Variants in PHC2 observed in about 807,000 individuals in gnomAD.
The protein encoded by PHC2 is polyhomeotic-like protein 2.
PHC2 carries 29 observed loss-of-function variants against 87.4 expected under a neutral mutation model. The observed-to-expected ratio is 0.33, with a 90% confidence interval of 0.25 to 0.45. PHC2 has a LOEUF of 0.45. PHC2 is among the 20% of genes least tolerant of loss of function. The pLI, the probability that PHC2 is intolerant of heterozygous loss-of-function variation, is 1.00. For synonymous variants in PHC2, 438 were observed against 461.7 expected (o/e 0.95, Z 0.66); for missense variants, 857 against 1,136.7 (o/e 0.75, Z 3.54).
At chr1:33,389,072 A>AAG (rs67394942) in intron 1 of PHC2, among the ~76,000 whole-genome samples, 52,745 of 144,530 alleles carry the variant, frequency 0.36, 10,480 homozygotes, top group South Asian at 0.5. Flanking sequence ...AAAAAAAAAA[A>AAG]AAAGAAAGAA....
intron 1 of PHC2, among the ~76,000 whole-genome samples, chr1:33,410,162 A>G (rs778447195): frequency 2.6e-5 from 4 of 152,228 alleles, no homozygotes; most frequent in African/African-American, 4.8e-5. Context: ...AAAACATACC[A>G]GTTCAATTTG....
At chr1:33,403,123 C>CTT (rs34887101) in intron 1 of PHC2, among the ~76,000 whole-genome samples, 7,777 of 74,604 alleles carry the variant, frequency 0.1, 980 homozygotes, top group East Asian at 0.24. Flanking sequence ...GCCCGGCCCA[C>CTT]TTTTTTTTTT....
rs150543542 is a variant in PHC2 at position 33,406,613 on chromosome 1, T to A, written c.-55+24363A>T. ...AGTTATAGTATTATTTTATCCAGTATGACAATCTTTGTCTTTTAATGGGAA... is the reference window on the plus strand; with the variant it reads ...AGTTATAGTATTATTTTATCCAGTAAGACAATCTTTGTCTTTTAATGGGAA... On this transcript the variant is annotated intron_variant, in intron 1 of 14. Coordinates refer to ENST00000683057, the MANE Select transcript of PHC2 (RefSeq NM_001385109.1). Among the ~76,000 whole-genome samples the A allele has an allele frequency of 2.3e-4, 35 of 152,352 alleles. No homozygotes were observed. The East Asian group carries it at 5.2e-3, about 23-fold the overall frequency.
In PHC2 at chr1:33,332,552, T is replaced by A; in HGVS notation, c.1762-148A>T. 1.0e-6 allele frequency: 1 copy of A among 962,534 alleles called. No homozygotes were observed. The highest frequency in any genetic ancestry group is 1.6e-6 in the Non-Finnish European group (1 of 631,206). 59.6% of individuals were successfully genotyped at this position (962,534 alleles called of 1,614,324 possible). A position where few individuals can be genotyped will look rare whatever the true frequency, so the allele number is the denominator to read the frequency against. On this transcript the variant is annotated intron_variant, in intron 10 of 14. Coordinates refer to ENST00000683057, the MANE Select transcript of PHC2 (RefSeq NM_001385109.1). The surrounding 1 kb of genome is among the most constrained non-coding windows in gnomAD (Gnocchi z 4.2). ...CCCCCATGTCATCATCCAAGTGTGC[T>A]GGGCTCAAGGCCCTATTTTGCTGGT...
At chr1:33,328,399 T>C (rs1646418436) in intron 14 of PHC2, among the ~76,000 whole-genome samples, 1 of 133,814 alleles carries the variant, frequency 7.5e-6, no homozygotes, top group African/African-American at 2.6e-5. Context: ...TTTTTTTTGG[T>C]AGAGACAGGT....
At chr1:33,424,456 C>A (rs1278319769) in intron 1 of PHC2, among the ~76,000 whole-genome samples, 1 of 152,174 alleles carries the variant, frequency 6.6e-6, no homozygotes, top group Non-Finnish European at 1.5e-5. Context: ...TCCCTAGCAA[C>A]CATATTTACA....
chr1:33,346,067 A>G, intron 9 of PHC2: 1 of 985,306 alleles, frequency 1.0e-6, no homozygotes, highest in Non-Finnish European at 1.2e-6. Flanking sequence ...CTATGTGTTC[A>G]GACTCCCATC....
At position 33,363,830 on chromosome 1, in the gene PHC2, C is replaced by T. The variant is rs1434735483; in HGVS notation, c.976+3286G>A. 11 of 985,106 alleles carry T rather than the reference C, an allele frequency of 1.1e-5. No individual in the cohort carries two copies. The African/African-American group carries it at 1.9e-4, about 17-fold the overall frequency. 61.0% of individuals were successfully genotyped at this position (985,106 alleles called of 1,614,324 possible). ...CCTATCTGGGGCTGTGGCCCACTCC[C>T]TTAGGACTCGGCTTCCCTGAAGGCC... On this transcript the variant is annotated intron_variant, in intron 7 of 14. Coordinates refer to ENST00000683057, the MANE Select transcript of PHC2 (RefSeq NM_001385109.1).
At chr1:33,330,475 T>C (rs1406047337) in intron 12 of PHC2, among the ~76,000 whole-genome samples, 2 of 152,210 alleles carry the variant, frequency 1.3e-5, no homozygotes, top group Non-Finnish European at 2.9e-5. Context: ...TGTAAAATGT[T>C]TGAGACACCT....
intron 9 of PHC2, among the ~76,000 whole-genome samples, chr1:33,348,810 G>C (rs1646896432): frequency 1.3e-5 from 2 of 152,178 alleles, no homozygotes; most frequent in Non-Finnish European, 2.9e-5. Flanking sequence ...GGAAAGGAAA[G>C]TTGTTCAGAA....
In PHC2 at chr1:33,368,894, C is replaced by A. The variant is rs1000421692; in HGVS notation, c.577-272G>T. On this transcript the variant is annotated intron_variant, in intron 5 of 14. Transcript: ENST00000683057. This position sits in a 1 kb window ranked among gnomAD's most constrained non-coding sequence, Gnocchi z 6.6. ...GGGTGCAGGGGTGGGTGGGGAGAGC[C>A]GCTCTGGGGCTACACCAAAGCCGAG... Among the ~76,000 whole-genome samples the A allele has an allele frequency of 7.2e-5, 11 of 152,064 alleles. No individual in the cohort carries two copies. Among genetic ancestry groups the A allele is most frequent in the African/African-American group, 2.4e-4 (10 of 41,394 alleles).
At chr1:33,343,069 C>G (rs764289909) in intron 9 of PHC2, among the ~76,000 whole-genome samples, 13 of 152,198 alleles carry the variant, frequency 8.5e-5, no homozygotes, top group Non-Finnish European at 1.9e-4. Flanking sequence ...ATACTACCTA[C>G]CTGTCTGGGA....
At chr1:33,376,530 C>T (rs907481634) in intron 1 of PHC2, among the ~76,000 whole-genome samples, 1 of 152,240 alleles carries the variant, frequency 6.6e-6, no homozygotes, top group Non-Finnish European at 1.5e-5. Flanking sequence ...TGGATCACCT[C>T]TCACCCTATC....
intron 9 of PHC2, among the ~76,000 whole-genome samples, chr1:33,339,641 T>C (rs1333877588): frequency 6.6e-6 from 1 of 152,166 alleles, no homozygotes; most frequent in East Asian, 1.9e-4. Flanking sequence ...GCTGACGGGC[T>C]CTCCAGCCTG....
At chr1:33,419,979 T>A (rs1382123604) in intron 1 of PHC2, among the ~76,000 whole-genome samples, 1 of 152,086 alleles carries the variant, frequency 6.6e-6, no homozygotes, top group Non-Finnish European at 1.5e-5. Context: ...CATGTCAAGA[T>A]CCTTAATTTA....
chr1:33,376,727 G>A (rs1648204891), intron 1 of PHC2, among the ~76,000 whole-genome samples: 1 of 152,182 alleles, frequency 6.6e-6, no homozygotes. Context: ...TCAAGAGATC[G>A]AGACCATCCT....
intron 7 of PHC2, among the ~76,000 whole-genome samples, chr1:33,356,879 G>GCC (rs879854160): frequency 6.6e-6 from 1 of 151,750 alleles, no homozygotes; most frequent in South Asian, 2.1e-4. Flanking sequence ...AGGCAGAGGC[G>GCC]CCCCCCCACC....
intron 1 of PHC2, among the ~76,000 whole-genome samples, chr1:33,401,181 C>T (rs2148375984): frequency 6.6e-6 from 1 of 152,032 alleles, no homozygotes; most frequent in East Asian, 1.9e-4. Context: ...AAAAAATTAG[C>T]CGGGTGTGGT....
intron 1 of PHC2, among the ~76,000 whole-genome samples, chr1:33,412,884 G>C (rs1421013660): frequency 1.3e-5 from 2 of 152,116 alleles, no homozygotes; most frequent in African/African-American, 4.8e-5. Flanking sequence ...AGTAAAGGCT[G>C]GCAGCATTTT....
Sources: gnomAD v4.1 joint callset for allele counts (sites outside exome capture counted in the v4.1 genomes callset) on GRCh38, gnomAD v4.1.1 for gene constraint, Gnocchi (gnomAD v3.1) non-coding constraint, MANE v1.5 for transcripts, NCBI Gene and HGNC (gene_info 2026-07-23, HGNC 2026-07-21) for gene names.